The following RIN2 variants were observed in gnomAD, a reference collection of about 807,000 sequenced individuals.
The protein encoded by RIN2 is RAB5 interacting protein 2.
A neutral mutation model predicts 78.0 loss-of-function variants in RIN2; 36 were observed. The observed-to-expected ratio is 0.46, with a 90% CI of 0.35 to 0.61. The LOEUF is 0.61. RIN2 is among the 20% of genes least tolerant of loss of function. RIN2 has a pLI of 0.00. For missense variants in RIN2, 1,087 were observed against 1,159.7 expected, an observed-to-expected ratio of 0.94 and a Z score of 0.91; for synonymous variants, 466 against 466.8, an observed-to-expected ratio of 1.00 and a Z score of 0.02.
Position 19,869,418 on chromosome 20 carries a change from T to C in RIN2, c.-36-20148T>C, listed in dbSNP as rs185894036. ...TGGGGAGACGAAGCCACGTCATCAC[T>C]GGCCACACTGAAGATGGGTTAGCAC... On this transcript the variant is annotated intron_variant, in intron 2 of 12. Transcript: ENST00000255006. Among the ~76,000 whole-genome samples, 7 of 152,278 alleles carry C rather than the reference T, an allele frequency of 4.6e-5. No individual in the cohort carries two copies. The East Asian group carries it at 1.4e-3, about 29-fold the overall frequency.
At chr20:19,954,720 T>C (rs1568656864) in intron 4 of RIN2, among the ~76,000 whole-genome samples, 1 of 151,414 alleles carries the variant, frequency 6.6e-6, no homozygotes, top group East Asian at 1.9e-4. Flanking sequence ...CCTGTGTCCC[T>C]CACCCCTGTG....
At position 19,789,689 on chromosome 20, in the gene RIN2, A is replaced by G. The variant is rs142001926; in HGVS notation, c.-162-9933A>G. On this transcript the variant is annotated intron_variant, in intron 1 of 12. Coordinates refer to ENST00000255006, the MANE Select transcript of RIN2 (RefSeq NM_018993.4). ...CCATGGGGTCGTAGGACTCTCAGGG[A>G]CATCCAACTATTGCCTGGTTCCCTG... Among the ~76,000 whole-genome samples, 11 of 152,280 alleles carry G rather than the reference A, an allele frequency of 7.2e-5. No individual in the cohort carries two copies. In the East Asian group the frequency reaches 2.1e-3, roughly 29 times the overall value.
chr20:19,796,484 G>A (rs779563742), intron 1 of RIN2, among the ~76,000 whole-genome samples: 1 of 152,132 alleles, frequency 6.6e-6, no homozygotes, highest in Non-Finnish European at 1.5e-5. Context: ...TAGAGTGTAC[G>A]GTTGGTAGTA....
At chr20:19,857,454 A>G (rs1401209301) in intron 2 of RIN2, among the ~76,000 whole-genome samples, 2 of 152,132 alleles carry the variant, frequency 1.3e-5, no homozygotes, top group Non-Finnish European at 1.5e-5. Context: ...CTGTACGTGT[A>G]TCTTTTTGTA....
chr20:19,900,936 G>A (rs1219856192), intron 3 of RIN2, among the ~76,000 whole-genome samples: 2 of 112,210 alleles, frequency 1.8e-5, no homozygotes, highest in Non-Finnish European at 3.3e-5. Context: ...GGCAACAAGA[G>A]CTCTGTCTCA....
intron 4 of RIN2, among the ~76,000 whole-genome samples, chr20:19,943,906 A>ATTGGGGTT (rs1223810185): frequency 7.1e-6 from 1 of 140,552 alleles, no homozygotes; most frequent in Non-Finnish European, 1.5e-5. Context: ...AGAATAATGG[A>ATTGGGGTT]TTGGGGTTTC....
chr20:19,818,729 A>G (rs1341489566), intron 2 of RIN2, among the ~76,000 whole-genome samples: 1 of 125,720 alleles, frequency 8.0e-6, no homozygotes, highest in Non-Finnish European at 1.6e-5. Flanking sequence ...GAGACTCCGT[A>G]TCAAAAAAAA....
intron 4 of RIN2, among the ~76,000 whole-genome samples, chr20:19,937,989 C>G (rs372711982): frequency 1.4e-4 from 21 of 152,336 alleles, no homozygotes; most frequent in African/African-American, 5.0e-4. Context: ...CAGTGCCCAC[C>G]TCCCGTCCTG....
At chr20:19,998,643 T>C (rs1324918343) in intron 12 of RIN2, among the ~76,000 whole-genome samples, 1 of 152,068 alleles carries the variant, frequency 6.6e-6, no homozygotes, top group East Asian at 1.9e-4. Flanking sequence ...AAGCCCATCT[T>C]TGAAAGCCAA....
intron 4 of RIN2, among the ~76,000 whole-genome samples, chr20:19,942,417 C>G (rs923154221): frequency 6.6e-5 from 10 of 152,148 alleles, no homozygotes; most frequent in Admixed American, 1.3e-4. Context: ...CTGGTGATAT[C>G]TGTTATCTTT....
chr20:19,917,235 G>A (rs1023409464), intron 3 of RIN2, among the ~76,000 whole-genome samples: 3 of 152,034 alleles, frequency 2.0e-5, no homozygotes, highest in Non-Finnish European at 2.9e-5. Flanking sequence ...GTCATCCACC[G>A]AATGCCTTAT....
At chr20:19,820,780 A>G (rs6046344) in intron 2 of RIN2, among the ~76,000 whole-genome samples, 52,931 of 151,982 alleles carry the variant, frequency 0.35, 10,554 homozygotes, top group African/African-American at 0.56. Flanking sequence ...ATAGGTCTGG[A>G]CTGGAGCCTG....
chr20:19,808,496 A>G (rs2035484000), intron 2 of RIN2, among the ~76,000 whole-genome samples: 2 of 152,378 alleles, frequency 1.3e-5, no homozygotes, highest in South Asian at 2.1e-4. Flanking sequence ...CACTCCCCGA[A>G]GGCCCTGTAT....
At chr20:19,912,742 G>T (rs1252099585) in intron 3 of RIN2, among the ~76,000 whole-genome samples, 1 of 152,086 alleles carries the variant, frequency 6.6e-6, no homozygotes, top group Admixed American at 6.5e-5. Flanking sequence ...GCCTCCCAAA[G>T]TGCTGGGATT....
chr20:19,763,175 A>G (rs982089635), intron 1 of RIN2, among the ~76,000 whole-genome samples: 3 of 152,156 alleles, frequency 2.0e-5, no homozygotes, highest in African/African-American at 7.2e-5. Flanking sequence ...ACTTGAGGTT[A>G]GGAGTTCAAG....
chr20:19,785,295 CACACA>C, intron 1 of RIN2, among the ~76,000 whole-genome samples: 1 of 150,784 alleles, frequency 6.6e-6, no homozygotes, highest in Non-Finnish European at 1.5e-5. Flanking sequence ...CACACACACA[CACACA>C]CCAGAGCAAA....
chr20:19,842,438 C>T (rs545637485), intron 2 of RIN2, among the ~76,000 whole-genome samples: 15 of 107,552 alleles, frequency 1.4e-4, no homozygotes, highest in African/African-American at 1.8e-4. Flanking sequence ...GATGGGGTTT[C>T]GCCATGTTGG....
intron 2 of RIN2, among the ~76,000 whole-genome samples, chr20:19,867,365 T>C (rs1226324028): frequency 2.0e-5 from 3 of 152,214 alleles, no homozygotes; most frequent in Non-Finnish European, 4.4e-5. Context: ...ATTGATGCAA[T>C]ACTTTAATCT....
intron 3 of RIN2, among the ~76,000 whole-genome samples, chr20:19,902,579 A>C (rs1431217832): frequency 6.6e-6 from 1 of 152,152 alleles, no homozygotes; most frequent in Non-Finnish European, 1.5e-5. Context: ...GAGAATGCCC[A>C]CTGACAGAGG....
Sources: allele counts gnomAD v4.1 joint callset (sites outside exome capture counted in the v4.1 genomes callset), GRCh38; gene constraint gnomAD v4.1.1; transcripts MANE v1.5; gene names NCBI Gene and HGNC (gene_info 2026-07-23, HGNC 2026-07-21).